The following WWC1 variants were observed in gnomAD, a reference collection of about 807,000 sequenced individuals.
WWC1 encodes WW and C2 domain containing 1.
WWC1 carries 55 observed loss-of-function variants against 138.4 expected under a neutral mutation model. The observed-to-expected ratio is 0.40, with a 90% confidence interval of 0.32 to 0.50. The LOEUF is 0.50. Among genes scored for constraint, WWC1 ranks in the 20% least tolerant of loss-of-function variants. The pLI is 0.72. For missense variants in WWC1, 1,226 were observed against 1,420.4 expected (o/e 0.86, Z 2.20); for synonymous variants, 524 against 564.9 (o/e 0.93, Z 1.03).
intron 3 of WWC1, among the ~76,000 whole-genome samples, chr5:168,386,630 C>T (rs757816097): frequency 6.6e-6 from 1 of 151,780 alleles, no homozygotes; most frequent in East Asian, 2.0e-4. Flanking sequence ...CTCCTGTCCT[C>T]GTGATGCGCC....
intron 1 of WWC1, among the ~76,000 whole-genome samples, chr5:168,327,375 T>C (rs17551126): frequency 0.035 from 5,364 of 152,346 alleles, 134 homozygotes; most frequent in Non-Finnish European, 0.054. Flanking sequence ...TAGTGTGCTC[T>C]AGGGCCCAGG....
At chr5:168,316,562 C>A (rs1351745436) in intron 1 of WWC1, 1 of 152,238 alleles carries the variant, frequency 6.6e-6, no homozygotes, top group Non-Finnish European at 1.5e-5. Context: ...CCAGGAGGTC[C>A]AGGTGAGGGC....
chr5:168,404,495 C>A (rs1312336105), intron 5 of WWC1, among the ~76,000 whole-genome samples: 1 of 152,196 alleles, frequency 6.6e-6, no homozygotes, highest in Admixed American at 6.5e-5. Flanking sequence ...GCAGGGGGAG[C>A]CTGTGTTGAG....
chr5:168,342,450 G>A (rs889403513), intron 1 of WWC1, among the ~76,000 whole-genome samples: 5 of 152,156 alleles, frequency 3.3e-5, no homozygotes, highest in African/African-American at 1.2e-4. Context: ...CCTGCCTCCT[G>A]GAAGCTCACA....
chr5:168,414,446 A>G lies in WWC1; in HGVS notation c.1040A>G (p.Lys347Arg). The change falls in exon 9 of 23, where the codon AAG becomes AGG. Residue 347 changes from lysine to arginine, a missense_variant. Physicochemically the swap from Lys to Arg is conservative, Grantham distance 26. Around this residue, in one of 3 missense-constraint regions of WWC1, gnomAD observed 1,016 missense variants for 1,153.9 expected, o/e 0.88. Coordinates refer to ENST00000265293, the MANE Select transcript of WWC1 (RefSeq NM_015238.3). ...ERDRLILINEKEELLKEMRFI... is the reference protein window; with the variant it reads ...ERDRLILINEREELLKEMRFI... ...GACCGGCTGATCCTTATCAACGAGAAGGAGGAGCTGCTGAAGGAGATGCGC... is the reference window on the plus strand; with the variant it reads ...GACCGGCTGATCCTTATCAACGAGAGGGAGGAGCTGCTGAAGGAGATGCGC... 3 of 1,583,336 alleles carry G rather than the reference A, an allele frequency of 1.9e-6. No individual in the cohort carries two copies. The highest frequency in any genetic ancestry group is 2.6e-6 in the Non-Finnish European group (3 of 1,163,818).
intron 10 of WWC1, 52 bp downstream of exon 10, chr5:168,422,149 G>A (rs778429276): frequency 1.3e-6 from 2 of 1,539,138 alleles, no homozygotes; most frequent in African/African-American, 1.4e-5. Context: ...CCAGACATGG[G>A]TGTCCCCAGT....
At position 168,468,850 on chromosome 5, in the gene WWC1, G is replaced by A. The variant is rs6879033; in HGVS notation, c.3276-101G>A. The A allele has an allele frequency of 2.9e-3, 3,651 of 1,243,022 alleles. 84 individuals are homozygous for A. The African/African-American group carries it at 0.048, about 16-fold the overall frequency. The allele number at this position is 1,243,022 out of a possible 1,614,324, so 77.0% of individuals were successfully genotyped here. ...AGGACGTTGCTAAACATTCTGCAGCGAATGTATAGGACAGCTCCCACGACA... is the reference window on the plus strand; with the variant it reads ...AGGACGTTGCTAAACATTCTGCAGCAAATGTATAGGACAGCTCCCACGACA... On this transcript the variant is annotated intron_variant, in intron 22 of 22. Coordinates refer to ENST00000265293, the MANE Select transcript of WWC1 (RefSeq NM_015238.3).
intron 1 of WWC1, among the ~76,000 whole-genome samples, chr5:168,333,259 T>G (rs923490557): frequency 6.6e-6 from 1 of 152,234 alleles, no homozygotes; most frequent in African/African-American, 2.4e-5. Context: ...CTCTTTCCCT[T>G]TCTCCTCTCC....
chr5:168,334,349 C>A (rs1255262233), intron 1 of WWC1, among the ~76,000 whole-genome samples: 1 of 152,156 alleles, frequency 6.6e-6, no homozygotes, highest in Non-Finnish European at 1.5e-5. Context: ...TGCCCCACCC[C>A]CACTGCACTC....
In WWC1 at chr5:168,423,759, A is replaced by G. The variant is rs766868781; in HGVS notation, c.1501A>G (p.Ile501Val). Residue 501 changes from isoleucine (I) to valine (V), a missense_variant, in exon 11 of 23, where the codon ATC becomes GTC. Transcript: ENST00000265293. ...GFRPSGCITT[I>V]HEDEVAKTQK... ...CCGGCCCTCAGGCTGCATCACCACC[A>G]TCCACGAGGATGAGGTGGCCAAGAC... 2 of 1,613,944 alleles carry G rather than the reference A, an allele frequency of 1.2e-6. No individual in the cohort carries two copies. Among genetic ancestry groups the G allele is most frequent in the South Asian group, 1.1e-5 (1 of 91,052 alleles).
chr5:168,397,836 T>G lies in WWC1; in HGVS notation c.510+36T>G, dbSNP rs532792890. 16 of 1,611,776 alleles carry G rather than the reference T, an allele frequency of 9.9e-6. 1 individual carries two copies. The South Asian group carries it at 1.6e-4, about 17-fold the overall frequency. ...TTCACCTATGCTATGTGCTAGTGAT[T>G]GGGGCCACTGAGGTCTTAGGCCACA... On this transcript the variant is annotated intron_variant, in intron 4 of 22. Transcript: ENST00000265293.
At chr5:168,422,434 G>A (rs1300398837) in intron 10 of WWC1, among the ~76,000 whole-genome samples, 1 of 152,162 alleles carries the variant, frequency 6.6e-6, no homozygotes, top group Non-Finnish European at 1.5e-5. Context: ...TTTGAAGCCA[G>A]CCTGAGCAAC....
chr5:168,301,663 A>C (rs1770093326), intron 1 of WWC1, among the ~76,000 whole-genome samples: 2 of 150,924 alleles, frequency 1.3e-5, no homozygotes, highest in African/African-American at 4.9e-5. Context: ...AAAGTAAGTG[A>C]CCTTGAACCA....
intron 2 of WWC1, among the ~76,000 whole-genome samples, chr5:168,381,038 C>T (rs1167975571): frequency 6.6e-6 from 1 of 152,032 alleles, no homozygotes; most frequent in African/African-American, 2.4e-5. Context: ...AAATTGATGC[C>T]CACTTCACAC....
rs149332517 is a variant in WWC1, at chr5:168,363,724, G to A, written c.120-7700G>A. Among the ~76,000 whole-genome samples, 5 of 152,098 alleles carry A rather than the reference G, an allele frequency of 3.3e-5. No homozygotes were observed. The East Asian group carries it at 7.7e-4, about 24-fold the overall frequency. ...GTAGATTGAACCCTGAATGCCATGT[G>A]GTCAGCACAGCCCATTTTAACGCAG... On this transcript the variant is annotated intron_variant, in intron 1 of 22. Coordinates refer to ENST00000265293, the MANE Select transcript of WWC1 (RefSeq NM_015238.3).
intron 20 of WWC1, among the ~76,000 whole-genome samples, chr5:168,463,099 G>T (rs1463032559): frequency 6.6e-6 from 1 of 152,174 alleles, no homozygotes; most frequent in African/African-American, 2.4e-5. Flanking sequence ...ATTGGTCATT[G>T]TATTTGTTTT....
At chr5:168,460,544 G>A in intron 19 of WWC1, 106 bp from the exon 20 acceptor site, 1 of 1,004,584 alleles carries the variant, frequency 1.0e-6, no homozygotes, top group South Asian at 1.5e-5. Context: ...CAGAAGGAGA[G>A]GAAGGACTGT....
In WWC1 at chr5:168,292,728, C is replaced by T. The variant is rs77879543; in HGVS notation, c.119+457C>T. 3.5e-4 allele frequency among the ~76,000 whole-genome samples: 54 copies of T among 152,184 alleles called. 2 individuals are homozygous for T. In the East Asian group the frequency reaches 0.01, roughly 29 times the overall value. On this transcript the variant is annotated intron_variant, in intron 1 of 22. Coordinates refer to ENST00000265293, the MANE Select transcript of WWC1 (RefSeq NM_015238.3). This position sits in a 1 kb window ranked among gnomAD's most constrained non-coding sequence, Gnocchi z 4.4. ...CCGGTTAGAGGGGGTGGTCAAGACC[C>T]CAGGATTCCGTGGGAGACCACTGGA...
intron 16 of WWC1, 138 bp downstream of exon 16, chr5:168,441,972 G>A: frequency 7.8e-7 from 1 of 1,281,198 alleles, no homozygotes; most frequent in Non-Finnish European, 1.0e-6. Flanking sequence ...GAAGAAGACA[G>A]GGAAGGAGAG....
Sources: allele counts gnomAD v4.1 joint callset (sites outside exome capture counted in the v4.1 genomes callset), GRCh38; gene constraint gnomAD v4.1.1; regional missense constraint gnomAD v4.1.1; non-coding constraint Gnocchi (gnomAD v3.1); transcripts MANE v1.5; gene names NCBI Gene and HGNC (gene_info 2026-07-23, HGNC 2026-07-21).